Variants in PDS5B observed in about 807,000 individuals in gnomAD.
PDS5B encodes sister chromatid cohesion protein PDS5 homolog B.
A neutral mutation model predicts 184.1 loss-of-function variants in PDS5B; 51 were observed. The ratio of observed to expected loss-of-function variants is 0.28; its 90% CI spans 0.22 to 0.35. PDS5B has a LOEUF of 0.35. PDS5B is among the 10% of genes least tolerant of loss of function. PDS5B has a pLI of 1.00. For synonymous variants in PDS5B, 566 were observed against 569.2 expected, an observed-to-expected ratio of 0.99 and a Z score of 0.08; for missense variants, 1,180 against 1,723.3, an observed-to-expected ratio of 0.68 and a Z score of 5.58.
At chr13:32,628,337 A>T (rs2058400785) in intron 1 of PDS5B, among the ~76,000 whole-genome samples, 2 of 152,020 alleles carry the variant, frequency 1.3e-5, no homozygotes. Flanking sequence ...TGGGTGGATC[A>T]CTTGAGGTCA....
At chr13:32,653,113 G>A (rs139780884) in intron 3 of PDS5B, among the ~76,000 whole-genome samples, 112 of 152,222 alleles carry the variant, frequency 7.4e-4, no homozygotes, top group Admixed American at 1.4e-3. Flanking sequence ...GGCCAACATG[G>A]TGAAACTTCA....
intron 7 of PDS5B, among the ~76,000 whole-genome samples, chr13:32,668,926 G>T (rs1391362106): frequency 6.6e-6 from 1 of 152,220 alleles, no homozygotes; most frequent in East Asian, 1.9e-4. Flanking sequence ...ACGATGATTT[G>T]GAAAAATTAA....
intron 1 of PDS5B, among the ~76,000 whole-genome samples, chr13:32,619,516 G>A (rs2058265435): frequency 6.6e-6 from 1 of 152,174 alleles, no homozygotes; most frequent in Non-Finnish European, 1.5e-5. Context: ...ATTTCTCTGG[G>A]TGATGCAGTG....
chr13:32,717,099 C>T (rs1428523649), intron 19 of PDS5B, among the ~76,000 whole-genome samples: 9 of 149,846 alleles, frequency 6.0e-5, no homozygotes, highest in South Asian at 2.1e-4. Context: ...GCCAGCCGCC[C>T]CGTCCGGGAG....
At chr13:32,699,896 G>A in intron 16 of PDS5B, 27 bp downstream of exon 16, 1 of 1,518,146 alleles carries the variant, frequency 6.6e-7, no homozygotes, top group Non-Finnish European at 8.7e-7. Context: ...GCTGATGTTT[G>A]AAAAAGCCCC....
At chr13:32,767,208 C>G (rs575221221) in intron 31 of PDS5B, among the ~76,000 whole-genome samples, 5 of 152,256 alleles carry the variant, frequency 3.3e-5, no homozygotes, top group South Asian at 4.1e-4. Context: ...AAGATCCGTT[C>G]TTGACAAATA....
At chr13:32,687,841 A>G (rs1219537735) in intron 12 of PDS5B, among the ~76,000 whole-genome samples, 1 of 152,168 alleles carries the variant, frequency 6.6e-6, no homozygotes, top group African/African-American at 2.4e-5. Context: ...ATTAGTGGAG[A>G]CCAAATGATT....
At chr13:32,636,634 A>G (rs2058565047) in intron 1 of PDS5B, among the ~76,000 whole-genome samples, 1 of 152,248 alleles carries the variant, frequency 6.6e-6, no homozygotes, top group African/African-American at 2.4e-5. Context: ...GCATAATTAT[A>G]TAGTTCATCT....
At chr13:32,647,418 G>T (rs767118079) in intron 1 of PDS5B, among the ~76,000 whole-genome samples, 1 of 152,058 alleles carries the variant, frequency 6.6e-6, no homozygotes, top group Non-Finnish European at 1.5e-5. Flanking sequence ...CTACAGGGGT[G>T]TGCCACCACA....
intron 1 of PDS5B, among the ~76,000 whole-genome samples, chr13:32,617,357 C>G (rs2058234745): frequency 6.6e-6 from 1 of 152,146 alleles, no homozygotes; most frequent in South Asian, 2.1e-4. Flanking sequence ...GTGGGAGAGG[C>G]AGCCACATAC....
rs560593566 is a variant in PDS5B at position 32,655,817 on chromosome 13, C to A, written c.313-2422C>A. 2.2e-3 allele frequency among the ~76,000 whole-genome samples: 332 copies of A among 152,236 alleles called. 1 individual carries two copies. Among genetic ancestry groups the A allele is most frequent in the African/African-American group, 7.3e-3 (305 of 41,536 alleles). On this transcript the variant is annotated intron_variant, in intron 3 of 34. Coordinates refer to ENST00000315596, the MANE Select transcript of PDS5B (RefSeq NM_015032.4). Reference sequence around the variant, plus strand: ...TTAACTCTATTTTGCTGTGCAGAAGCTTTTTAGTTTAATTAGGTCTCATTT... The same window carrying A: ...TTAACTCTATTTTGCTGTGCAGAAGATTTTTAGTTTAATTAGGTCTCATTT...
At chr13:32,722,476 A>G (rs1952751937) in intron 19 of PDS5B, among the ~76,000 whole-genome samples, 1 of 152,238 alleles carries the variant, frequency 6.6e-6, no homozygotes, top group South Asian at 2.1e-4. Context: ...AGCATTCAGT[A>G]CAGTAACATG....
chr13:32,661,130 T>A (rs917158997), intron 6 of PDS5B, among the ~76,000 whole-genome samples: 3 of 152,096 alleles, frequency 2.0e-5, no homozygotes, highest in African/African-American at 7.2e-5. Context: ...ATACCTGTAA[T>A]CCCAGCACTT....
intron 1 of PDS5B, among the ~76,000 whole-genome samples, chr13:32,646,440 G>T (rs993673441): frequency 9.3e-6 from 1 of 107,442 alleles, no homozygotes; most frequent in Admixed American, 1.2e-4. Flanking sequence ...TTCTAGTGTT[G>T]ATGGTCATTT....
In PDS5B at chr13:32,770,578, T is replaced by G. The variant is rs1224433778; in HGVS notation, c.4064+18T>G. On this transcript the variant is annotated intron_variant, in intron 32 of 34. Coordinates refer to ENST00000315596, the MANE Select transcript of PDS5B (RefSeq NM_015032.4). ...CAGCAGAGGTAAGCATGTGTAACTC[T>G]AAACTGCATCTGTTTCGTTACTATA... The G allele has an allele frequency of 3.7e-6, 6 of 1,602,106 alleles. No homozygotes were observed. Among genetic ancestry groups the G allele is most frequent in the Non-Finnish European group, 4.3e-6 (5 of 1,176,028 alleles).
At chr13:32,612,558 A>G (rs559427214) in intron 1 of PDS5B, among the ~76,000 whole-genome samples, 9 of 152,236 alleles carry the variant, frequency 5.9e-5, no homozygotes, top group East Asian at 1.9e-4. Flanking sequence ...GCCGTCTGCT[A>G]TGGTTTGAAT....
At chr13:32,627,659 G>A (rs2058390612) in intron 1 of PDS5B, among the ~76,000 whole-genome samples, 2 of 152,120 alleles carry the variant, frequency 1.3e-5, no homozygotes, top group African/African-American at 4.8e-5. Context: ...TTGCATTAAT[G>A]AATCTGTAAA....
At chr13:32,605,895 C>CT (rs570330617) in intron 1 of PDS5B, among the ~76,000 whole-genome samples, 64 of 129,244 alleles carry the variant, frequency 5.0e-4, no homozygotes, top group Admixed American at 1.5e-3. Flanking sequence ...GCAACCCCTG[C>CT]TTTTTTTTTT....
intron 1 of PDS5B, among the ~76,000 whole-genome samples, chr13:32,626,652 A>G (rs1377535987): frequency 1.3e-5 from 2 of 151,980 alleles, no homozygotes; most frequent in African/African-American, 4.8e-5. Flanking sequence ...GTGAAGAAAG[A>G]GTAAAGATGT....
Sources: gnomAD v4.1 joint callset for allele counts (sites outside exome capture counted in the v4.1 genomes callset) on GRCh38, gnomAD v4.1.1 for gene constraint, MANE v1.5 for transcripts, NCBI Gene and HGNC (gene_info 2026-07-23, HGNC 2026-07-21) for gene names.